Variants in CHRFAM7A observed in about 807,000 individuals in gnomAD.
The protein encoded by CHRFAM7A is CHRNA7 (exons 5-10) and FAM7A (exons A-E) fusion.
CHRFAM7A carries 3 observed loss-of-function variants against 29.2 expected under a neutral mutation model. The observed-to-expected ratio is 0.10, with a 90% CI of 0.05 to 0.27. The LOEUF is 0.27. Among genes scored for constraint, CHRFAM7A ranks in the 10% least tolerant of loss-of-function variants. CHRFAM7A has a pLI of 1.00. For missense variants in CHRFAM7A, 22 were observed against 328.0 expected (o/e 0.07, Z 7.21); for synonymous variants, 7 against 135.4 (o/e 0.05, Z 6.58).
intron 5 of CHRFAM7A, among the ~76,000 whole-genome samples, chr15:30,374,684 TAA>T (rs1205429202): frequency 2.7e-5 from 3 of 112,452 alleles, no homozygotes; most frequent in African/African-American, 7.0e-5. Flanking sequence ...AATGGTTGCA[TAA>T]GTCTGTAAAT....
intron 8 of CHRFAM7A, among the ~76,000 whole-genome samples, chr15:30,370,861 G>T (rs1355143504): frequency 6.6e-6 from 1 of 150,964 alleles, no homozygotes; most frequent in Non-Finnish European, 1.5e-5. Context: ...ATGAGGAGGA[G>T]AATTATGAGG....
In CHRFAM7A at chr15:30,373,042, C is replaced by G. The variant is rs1162430798; in HGVS notation, c.264G>C (p.Leu88Phe). The change falls in exon 6 of 10, where the codon TTG becomes TTC. Residue 88 changes from leucine to phenylalanine, a missense_variant. Coordinates refer to ENST00000299847, the MANE Select transcript of CHRFAM7A (RefSeq NM_139320.2). ...FGSWSYGGWS[L>F]DLQMQEADIS... ...TATCTGCCTCCTGCATCTGCAGATC[C>G]AAGGACCAGCCTCCGTAAGACCAGG... The G allele has an allele frequency of 3.8e-6, 6 of 1,594,566 alleles. 1 individual carries two copies. The South Asian group carries it at 6.7e-5, about 18-fold the overall frequency.
intron 5 of CHRFAM7A, among the ~76,000 whole-genome samples, chr15:30,376,158 TGTGAGGG>T (rs2058933791): frequency 1.3e-5 from 2 of 149,998 alleles, no homozygotes; most frequent in South Asian, 2.1e-4. Context: ...GAGTGGTGTG[TGTGAGGG>T]GTGAGTGGTG....
chr15:30,377,577 CTTTT>C (rs66689503), intron 4 of CHRFAM7A, among the ~76,000 whole-genome samples: 1 of 94,076 alleles, frequency 1.1e-5, no homozygotes. Context: ...ACATATATAT[CTTTT>C]TTTTTTTTTT....
Position 30,392,950 on chromosome 15 carries a change from GCTGA to G in CHRFAM7A, c.-157+298_-157+301del, listed in dbSNP as rs1335250124. Among the ~76,000 whole-genome samples, 2 of 64,710 alleles carry G rather than the reference GCTGA, an allele frequency of 3.1e-5. 1 individual carries two copies. Among genetic ancestry groups the G allele is most frequent in the African/African-American group, 1.0e-4 (2 of 20,094 alleles). The allele number at this position is 64,710 out of a possible 152,430, so 42.5% of individuals were successfully genotyped here. On this transcript the variant is annotated intron_variant, in intron 1 of 9. Transcript: ENST00000299847. Reference sequence around the variant, plus strand: ...CTGTCGCGGTCCCTAGAGCAGGTGGGCTGACTGAGGGCGACCATGGGTCCCAAGA... The same window carrying G: ...CTGTCGCGGTCCCTAGAGCAGGTGGGCTGAGGGCGACCATGGGTCCCAAGA...
chr15:30,363,122 T>C (rs1298679940), intron 9 of CHRFAM7A, among the ~76,000 whole-genome samples: 9 of 151,050 alleles, frequency 6.0e-5, no homozygotes, highest in Non-Finnish European at 1.2e-4. Flanking sequence ...AGAGGGAAAG[T>C]CAATTTCCCT....
Position 30,361,723 on chromosome 15 carries a change from T to C in CHRFAM7A, c.*570A>G, listed in dbSNP as rs1348958370. 1.8e-5 allele frequency: 2 copies of C among 111,610 alleles called. No homozygotes were observed. The highest frequency in any genetic ancestry group is 3.6e-5 in the African/African-American group (1 of 27,656). The allele number at this position is 111,610 out of a possible 1,614,324, so 6.9% of individuals were successfully genotyped here. A position where few individuals can be genotyped will look rare whatever the true frequency, so the allele number is the denominator to read the frequency against. Reference sequence around the variant, plus strand: ...GTCTTTTTTTTTTTTTTTTTTGATGTAGAAACAGCATCAAGCTGTTTCTCT... The same window carrying C: ...GTCTTTTTTTTTTTTTTTTTTGATGCAGAAACAGCATCAAGCTGTTTCTCT... On this transcript the variant is annotated 3_prime_UTR_variant, in exon 10 of 10. Transcript: ENST00000299847.
chr15:30,367,738 T>C (rs1333716471), intron 8 of CHRFAM7A, among the ~76,000 whole-genome samples: 3 of 133,478 alleles, frequency 2.2e-5, no homozygotes, highest in Non-Finnish European at 3.2e-5. Flanking sequence ...CCTCACTTCA[T>C]TGCACTTCCA....
chr15:30,376,194 C>CTG lies in CHRFAM7A; in HGVS notation c.160+834_160+835dup, dbSNP rs77571101. 3.7e-4 allele frequency among the ~76,000 whole-genome samples: 51 copies of CTG among 136,172 alleles called. 3 individuals are homozygous for CTG. Among genetic ancestry groups the CTG allele is most frequent in the Middle Eastern group, 3.9e-3 (1 of 258 alleles). The allele number at this position is 136,172 out of a possible 152,430, so 89.3% of individuals were successfully genotyped here. ...AGTGGTGTGTGGTATGTGTGAGTGG[C>CTG]TGTGAGTGGTTGTGAGTGGTGTGTG... On this transcript the variant is annotated intron_variant, in intron 5 of 9. Transcript: ENST00000299847.
intron 9 of CHRFAM7A, among the ~76,000 whole-genome samples, 163 bp downstream of exon 9, chr15:30,367,255 C>T (rs1370698889): frequency 9.9e-5 from 15 of 151,334 alleles, no homozygotes; most frequent in Middle Eastern, 3.4e-3. Context: ...CACTGCACTC[C>T]AGCCTGGGTG....
intron 4 of CHRFAM7A, among the ~76,000 whole-genome samples, chr15:30,377,927 A>T (rs1378750810): frequency 8.2e-6 from 1 of 122,430 alleles, no homozygotes; most frequent in East Asian, 2.3e-4. Flanking sequence ...CATAAAGTTG[A>T]TTGGCAAGGA....
chr15:30,376,063 T>C (rs370826056), intron 5 of CHRFAM7A, among the ~76,000 whole-genome samples: 507 of 147,654 alleles, frequency 3.4e-3, no homozygotes, highest in African/African-American at 0.013. Flanking sequence ...TGTGTGTGGG[T>C]GGTGTGTATG....
intron 8 of CHRFAM7A, among the ~76,000 whole-genome samples, chr15:30,370,700 TC>T (rs2058840791): frequency 8.3e-6 from 1 of 121,112 alleles, no homozygotes; most frequent in Non-Finnish European, 1.7e-5. Flanking sequence ...CATTCATATT[TC>T]CCTAGAAACT....
intron 6 of CHRFAM7A, 146 bp from the exon 7 acceptor site, chr15:30,372,487 AT>A: frequency 3.8e-6 from 1 of 262,466 alleles, no homozygotes. Context: ...ATTAGCTTGA[AT>A]AAAACCTTGT....
chr15:30,365,801 CTTTTTTT>C (rs1165285566), intron 9 of CHRFAM7A, among the ~76,000 whole-genome samples: 4 of 74,262 alleles, frequency 5.4e-5, no homozygotes, highest in Non-Finnish European at 9.5e-5. Context: ...ACAAGTGAGT[CTTTTTTT>C]TTTTTTTTTT....
intron 3 of CHRFAM7A, among the ~76,000 whole-genome samples, chr15:30,382,359 TA>T (rs1169504703): frequency 8.7e-6 from 1 of 114,546 alleles, no homozygotes; most frequent in African/African-American, 3.5e-5. Flanking sequence ...CTAATCCCTA[TA>T]AAAAAAGGGC....
upstream of CHRFAM7A, chr15:30,393,857 C>CCG (rs1391522524): frequency 1.2e-5 from 1 of 84,758 alleles, no homozygotes; most frequent in South Asian, 5.0e-4. Context: ...ACCACCAACT[C>CCG]TGTGTGTGTG....
chr15:30,363,168 C>G (rs2140855496), intron 9 of CHRFAM7A, among the ~76,000 whole-genome samples: 1 of 148,610 alleles, frequency 6.7e-6, no homozygotes, highest in East Asian at 2.0e-4. Context: ...CGGGGACCTT[C>G]AGATCTAACT....
chr15:30,363,097 A>C (rs1461365803), intron 9 of CHRFAM7A, among the ~76,000 whole-genome samples: 2 of 151,456 alleles, frequency 1.3e-5, no homozygotes, highest in Non-Finnish European at 2.9e-5. Flanking sequence ...GGGGAAGGCT[A>C]TCTGAGCTGT....
Sources: gnomAD v4.1 joint callset for allele counts (sites outside exome capture counted in the v4.1 genomes callset) on GRCh38, gnomAD v4.1.1 for gene constraint, MANE v1.5 for transcripts, NCBI Gene and HGNC (gene_info 2026-07-23, HGNC 2026-07-21) for gene names.